The following TAOK3 variants were observed in gnomAD, a reference collection of about 807,000 sequenced individuals.
The protein encoded by TAOK3 is TAO kinase 3.
In TAOK3, 40 loss-of-function variants were observed where a neutral mutation model predicts 120.4. The observed-to-expected ratio is 0.33, with a 90% CI of 0.26 to 0.43. The LOEUF is 0.43. TAOK3 is among the 20% of genes least tolerant of loss of function. The probability of loss-of-function intolerance (pLI) is 1.00; values close to 1 mark genes in which losing one functional copy is unlikely to be tolerated. For missense variants in TAOK3, 821 were observed against 1,112.1 expected (o/e 0.74, Z 3.72); for synonymous variants, 355 against 387.5 (o/e 0.92, Z 0.99).
intron 9 of TAOK3, among the ~76,000 whole-genome samples, chr12:118,225,001 A>G (rs761762705): frequency 2.6e-5 from 4 of 152,096 alleles, no homozygotes; most frequent in African/African-American, 4.8e-5. Context: ...TAATCCCAGC[A>G]CTTTGGGAGG....
chr12:118,361,303 T>A (rs2045590102), intron 1 of TAOK3, among the ~76,000 whole-genome samples: 1 of 152,172 alleles, frequency 6.6e-6, no homozygotes, highest in South Asian at 2.1e-4. Flanking sequence ...ATCGTGGATG[T>A]ATGGTGTGGT....
At chr12:118,252,882 T>A (rs557839636) in intron 3 of TAOK3, among the ~76,000 whole-genome samples, 3 of 152,134 alleles carry the variant, frequency 2.0e-5, no homozygotes, top group African/African-American at 4.8e-5. Flanking sequence ...TCCACCACCA[T>A]GTCCGGCTAA....
chr12:118,208,856 C>T (rs650466), intron 11 of TAOK3, among the ~76,000 whole-genome samples: 2,231 of 152,122 alleles, frequency 0.015, 26 homozygotes, highest in Non-Finnish European at 0.024. Context: ...GGATTATCGA[C>T]GCATGCCACC....
chr12:118,232,029 T>C (rs1151901), intron 9 of TAOK3, among the ~76,000 whole-genome samples: 73,185 of 152,070 alleles, frequency 0.48, 18,229 homozygotes, highest in Non-Finnish European at 0.54. Flanking sequence ...ATAAAGGCAG[T>C]ATTATGCTGT....
intron 2 of TAOK3, among the ~76,000 whole-genome samples, chr12:118,259,005 C>A (rs187667776): frequency 1.0e-3 from 159 of 152,102 alleles, no homozygotes; most frequent in Admixed American, 1.7e-3. Context: ...AGACTAAAAT[C>A]ATTTTATGAA....
rs748846888 is a variant in TAOK3 at position 118,319,675 on chromosome 12, T to TA, written c.-193-52917dup. On this transcript the variant is annotated intron_variant, in intron 1 of 20. Coordinates refer to ENST00000392533, the MANE Select transcript of TAOK3 (RefSeq NM_016281.4). ...TTATACTCATTAAGATGATTATAAT[T>TA]AAAAAAAAACCAGAAAACAACAAGT... Among the ~76,000 whole-genome samples, 566 of 151,408 alleles carry TA rather than the reference T, an allele frequency of 3.7e-3. 1 individual carries two copies. Among genetic ancestry groups the TA allele is most frequent in the African/African-American group, 0.012 (515 of 41,326 alleles).
At chr12:118,264,607 C>G (rs974794043) in intron 2 of TAOK3, among the ~76,000 whole-genome samples, 3 of 152,020 alleles carry the variant, frequency 2.0e-5, no homozygotes, top group African/African-American at 7.2e-5. Flanking sequence ...TAAAAAGGGG[C>G]CTGATGAAGC....
At chr12:118,350,803 T>G in intron 1 of TAOK3, among the ~76,000 whole-genome samples, 1 of 146,050 alleles carries the variant, frequency 6.8e-6, no homozygotes, top group East Asian at 2.0e-4. Flanking sequence ...GAGGTTGCAG[T>G]GAGCTGAGGT....
intron 3 of TAOK3, among the ~76,000 whole-genome samples, chr12:118,251,268 G>T (rs1388761203): frequency 1.3e-5 from 2 of 152,170 alleles, no homozygotes; most frequent in Non-Finnish European, 2.9e-5. Flanking sequence ...CTATTAGCAC[G>T]GAGTAAGAAG....
intron 1 of TAOK3, among the ~76,000 whole-genome samples, chr12:118,342,842 G>C (rs1439164344): frequency 6.6e-6 from 1 of 151,300 alleles, no homozygotes; most frequent in Non-Finnish European, 1.5e-5. Flanking sequence ...GCTGAGGCAG[G>C]AGGATCACTT....
At position 118,150,422 on chromosome 12, in the gene TAOK3, G is replaced by A. The variant is rs1458766073; in HGVS notation, c.*575C>T. On this transcript the variant is annotated 3_prime_UTR_variant, in exon 21 of 21. Coordinates refer to ENST00000392533, the MANE Select transcript of TAOK3 (RefSeq NM_016281.4). ...AGTAATAATATGTCACCACTGATAT[G>A]TACATCACAATTAGTTTCTGTAAAA... 1 of 123,666 alleles carries A rather than the reference G, an allele frequency of 8.1e-6. No individual in the cohort carries two copies. Among genetic ancestry groups the A allele is most frequent in the East Asian group, 2.6e-4 (1 of 3,858 alleles). 7.7% of individuals were successfully genotyped at this position (123,666 alleles called of 1,614,324 possible). A position where few individuals can be genotyped will look rare whatever the true frequency, so the allele number is the denominator to read the frequency against.
intron 1 of TAOK3, among the ~76,000 whole-genome samples, chr12:118,290,541 A>C (rs1485780393): frequency 6.6e-6 from 1 of 152,112 alleles, no homozygotes; most frequent in East Asian, 1.9e-4. Flanking sequence ...TAGGTTAAGT[A>C]TCTCTCCATT....
At chr12:118,213,882 T>C in intron 10 of TAOK3, 135 bp downstream of exon 10, 1 of 735,082 alleles carries the variant, frequency 1.4e-6, no homozygotes. Context: ...TTGTGAGGCA[T>C]CAGTGTCACT....
At chr12:118,288,484 C>T (rs1386107386) in intron 1 of TAOK3, among the ~76,000 whole-genome samples, 1 of 152,138 alleles carries the variant, frequency 6.6e-6, no homozygotes, top group African/African-American at 2.4e-5. Context: ...AGAGCCCACA[C>T]CAGAAGCTGA....
intron 17 of TAOK3, among the ~76,000 whole-genome samples, chr12:118,169,004 T>TTC (rs1565885916): frequency 1.6e-4 from 20 of 121,722 alleles, no homozygotes; most frequent in African/African-American, 5.0e-4. Flanking sequence ...TTCCTTCCTT[T>TTC]CTTTCTTTCT....
At chr12:118,186,021 T>C (rs1358019926) in intron 14 of TAOK3, among the ~76,000 whole-genome samples, 1 of 152,230 alleles carries the variant, frequency 6.6e-6, no homozygotes, top group Admixed American at 6.5e-5. Flanking sequence ...GAGGCTCTCA[T>C]ATTTTTATTT....
chr12:118,190,003 C>A, intron 13 of TAOK3, 62 bp from the exon 14 acceptor site: 1 of 1,597,102 alleles, frequency 6.3e-7, no homozygotes, highest in South Asian at 1.1e-5. Flanking sequence ...CCGGCTGCCT[C>A]TCTCTCACCC....
chr12:118,248,645 T>C (rs550075461), intron 3 of TAOK3, among the ~76,000 whole-genome samples: 4 of 152,000 alleles, frequency 2.6e-5, no homozygotes, highest in Non-Finnish European at 5.9e-5. Flanking sequence ...TACTAAAAAA[T>C]AGAAAAGCCC....
In TAOK3 at chr12:118,201,186, G is replaced by A. The variant is rs914307218; in HGVS notation, c.987+110C>T. On this transcript the variant is annotated intron_variant, in intron 12 of 20. Coordinates refer to ENST00000392533, the MANE Select transcript of TAOK3 (RefSeq NM_016281.4). The stretch of plus-strand genomic sequence containing the variant: ...TACAACCCTTCATGTTTCTTAAGGC[G>A]GACAGCATCAATTAATTTTTATCTT... 4.8e-5 allele frequency: 49 copies of A among 1,010,944 alleles called. No homozygotes were observed. The East Asian group carries it at 5.4e-4, about 11-fold the overall frequency. The allele number at this position is 1,010,944 out of a possible 1,614,324, so 62.6% of individuals were successfully genotyped here. A position where few individuals can be genotyped will look rare whatever the true frequency, so the allele number is the denominator to read the frequency against.
Sources: gnomAD v4.1 joint callset for allele counts (sites outside exome capture counted in the v4.1 genomes callset) on GRCh38, gnomAD v4.1.1 for gene constraint, MANE v1.5 for transcripts, NCBI Gene and HGNC (gene_info 2026-07-23, HGNC 2026-07-21) for gene names.